DPP10: variants seen among roughly 807,000 people sequenced by gnomAD.
The protein encoded by DPP10 is dipeptidyl peptidase like 10.
DPP10 carries 33 observed loss-of-function variants against 120.9 expected under a neutral mutation model. That is an observed-to-expected ratio of 0.27 (90% CI 0.21 to 0.37). The LOEUF (loss-of-function observed/expected upper bound fraction) is 0.37. DPP10 is among the 10% of genes least tolerant of loss of function. The pLI, the probability that DPP10 is intolerant of heterozygous loss-of-function variation, is 1.00. For synonymous variants in DPP10, 337 were observed against 326.1 expected, an observed-to-expected ratio of 1.03 and a Z score of -0.36; for missense variants, 816 against 942.8, an observed-to-expected ratio of 0.87 and a Z score of 1.76.
At chr2:115,457,438 G>A (rs1351422350) in intron 3 of DPP10, among the ~76,000 whole-genome samples, 1 of 152,070 alleles carries the variant, frequency 6.6e-6, no homozygotes. Flanking sequence ...TGAAAAGTCA[G>A]GGAGAATGAA....
chr2:114,461,333 G>A (rs1558777845), intron 1 of DPP10, among the ~76,000 whole-genome samples: 1 of 152,110 alleles, frequency 6.6e-6, no homozygotes, highest in Non-Finnish European at 1.5e-5. Flanking sequence ...TCTTAACAAT[G>A]TTCCTTTTGA....
chr2:114,691,078 G>T lies in DPP10; in HGVS notation c.60+248240G>T, dbSNP rs559554590. On this transcript the variant is annotated intron_variant, in intron 1 of 25. Coordinates refer to ENST00000410059, the MANE Select transcript of DPP10 (RefSeq NM_020868.6). ...GTTTATTCCTTTCTCTTGCCTAATT[G>T]CCCTGGCCAGAACCAATACCATGTT... 3.3e-5 allele frequency among the ~76,000 whole-genome samples: 5 copies of T among 152,004 alleles called. No individual in the cohort carries two copies. In the East Asian group the frequency reaches 5.8e-4, roughly 18 times the overall value.
intron 5 of DPP10, among the ~76,000 whole-genome samples, chr2:115,547,555 T>C (rs2079588481): frequency 6.6e-6 from 1 of 152,122 alleles, no homozygotes; most frequent in Non-Finnish European, 1.5e-5. Context: ...AGGTGAACTC[T>C]TGGGCTCAGG....
At chr2:115,818,202 G>C (rs1687460669) in intron 21 of DPP10, among the ~76,000 whole-genome samples, 1 of 152,072 alleles carries the variant, frequency 6.6e-6, no homozygotes, top group South Asian at 2.1e-4. Flanking sequence ...TTTTTGTCTA[G>C]TTTCATATTT....
intron 1 of DPP10, among the ~76,000 whole-genome samples, chr2:114,664,792 G>GAGCATCCAAAAGATGGCAC: frequency 6.7e-6 from 1 of 148,616 alleles, no homozygotes; most frequent in East Asian, 2.0e-4. Flanking sequence ...AAAGATGGCA[G>GAGCATCCAAAAGATGGCAC]AGAGCATCCA....
chr2:114,699,152 G>A (rs1000713668), intron 1 of DPP10, among the ~76,000 whole-genome samples: 1 of 152,066 alleles, frequency 6.6e-6, no homozygotes, highest in Non-Finnish European at 1.5e-5. Flanking sequence ...TCTAAAAAAC[G>A]TTAAGTAATT....
At position 115,153,679 on chromosome 2, in the gene DPP10, GC is replaced by G. The variant is rs373215758; in HGVS notation, c.61-155558del. Among the ~76,000 whole-genome samples the G allele has an allele frequency of 4.6e-4, 70 of 152,240 alleles. 1 individual carries two copies. The highest frequency in any genetic ancestry group is 9.9e-4 in the African/African-American group (41 of 41,548). On this transcript the variant is annotated intron_variant, in intron 1 of 25. Transcript: ENST00000410059. ...AAAATAACCCTTTCAAAAAAAGTAT[GC>G]CAAGCCTGATTTTACCTTTTTTGAA...
intron 3 of DPP10, among the ~76,000 whole-genome samples, chr2:115,385,351 CT>C (rs563049219): frequency 2.5e-3 from 364 of 142,814 alleles, no homozygotes; most frequent in Admixed American, 3.5e-3. Context: ...TTCTGTCTTT[CT>C]TTTTTTTTTT....
intron 19 of DPP10, among the ~76,000 whole-genome samples, chr2:115,799,729 C>T (rs1366381020): frequency 7.3e-5 from 11 of 149,682 alleles, no homozygotes; most frequent in Admixed American, 2.0e-4. Context: ...ATGATGGTTT[C>T]CAGCTTCATC....
At chr2:114,965,783 G>A (rs1698967590) in intron 1 of DPP10, among the ~76,000 whole-genome samples, 2 of 151,468 alleles carry the variant, frequency 1.3e-5, no homozygotes, top group South Asian at 2.1e-4. Flanking sequence ...TCGAGACCAC[G>A]GTGAAACCCT....
At chr2:114,708,252 A>G (rs576937427) in intron 1 of DPP10, among the ~76,000 whole-genome samples, 1 of 152,246 alleles carries the variant, frequency 6.6e-6, no homozygotes, top group South Asian at 2.1e-4. Flanking sequence ...CAGCTGAGGG[A>G]CACCAAAAGC....
intron 10 of DPP10, among the ~76,000 whole-genome samples, chr2:115,750,988 G>C (rs943166012): frequency 6.6e-6 from 1 of 151,948 alleles, no homozygotes; most frequent in Non-Finnish European, 1.5e-5. Flanking sequence ...ATAATATTAT[G>C]GCAGGTAATT....
intron 19 of DPP10, among the ~76,000 whole-genome samples, chr2:115,806,694 T>C (rs540155737): frequency 7.5e-4 from 114 of 152,284 alleles, no homozygotes; most frequent in Non-Finnish European, 1.4e-3. Flanking sequence ...CTATATGTAT[T>C]GTCAGCCTCA....
chr2:115,592,645 A>G lies in DPP10; in HGVS notation c.441+66673A>G, dbSNP rs765175370. ...GTGGCTTGTGCCTGTAGTCCCAGCT[A>G]CTAGCGAGGCTGAGGCCAGAGAATC... On this transcript the variant is annotated intron_variant, in intron 5 of 25. Coordinates refer to ENST00000410059, the MANE Select transcript of DPP10 (RefSeq NM_020868.6). 3.0e-4 allele frequency among the ~76,000 whole-genome samples: 46 copies of G among 152,162 alleles called. 1 individual carries two copies. The highest frequency in any genetic ancestry group is 5.2e-4 in the Admixed American group (8 of 15,272).
chr2:114,449,283 C>G (rs1256575711), intron 1 of DPP10, among the ~76,000 whole-genome samples: 1 of 152,204 alleles, frequency 6.6e-6, no homozygotes, highest in East Asian at 1.9e-4. Flanking sequence ...TAGGGCATAA[C>G]TGGAAGTAGC....
chr2:115,663,981 C>T lies in DPP10; in HGVS notation c.442-25706C>T, dbSNP rs370191667. ...TTGCACTCCAGCCTGTGTGACAGAG[C>T]GAGACTCCATCTCAATAATAATAAT... On this transcript the variant is annotated intron_variant, in intron 5 of 25. Coordinates refer to ENST00000410059, the MANE Select transcript of DPP10 (RefSeq NM_020868.6). Among the ~76,000 whole-genome samples, 16 of 149,434 alleles carry T rather than the reference C, an allele frequency of 1.1e-4. No homozygotes were observed. In the East Asian group the frequency reaches 1.4e-3, roughly 13 times the overall value.
intron 5 of DPP10, among the ~76,000 whole-genome samples, chr2:115,572,877 T>A (rs540574113): frequency 6.6e-6 from 1 of 152,296 alleles, no homozygotes; most frequent in South Asian, 2.1e-4. Flanking sequence ...AAGCCATGAC[T>A]ACAGAATTTC....
intron 1 of DPP10, among the ~76,000 whole-genome samples, chr2:115,199,758 A>C (rs997107008): frequency 6.6e-6 from 1 of 152,096 alleles, no homozygotes; most frequent in South Asian, 2.1e-4. Context: ...TTGTATTATG[A>C]TTTGCTTTTT....
intron 1 of DPP10, among the ~76,000 whole-genome samples, chr2:115,152,102 G>A (rs2051597694): frequency 6.6e-6 from 1 of 151,890 alleles, no homozygotes; most frequent in African/African-American, 2.4e-5. Context: ...AACATTTTGA[G>A]CATGACATTT....
Sources: allele counts gnomAD v4.1 joint callset (sites outside exome capture counted in the v4.1 genomes callset), GRCh38; gene constraint gnomAD v4.1.1; transcripts MANE v1.5; gene names NCBI Gene and HGNC (gene_info 2026-07-23, HGNC 2026-07-21).